FRMPD4: variants seen among roughly 807,000 people sequenced by gnomAD.
FRMPD4 encodes the protein FERM and PDZ domain-containing protein 4.
FRMPD4 carries 22 observed loss-of-function variants against 94.1 expected under a neutral mutation model. That is an observed-to-expected ratio of 0.23 (90% CI 0.17 to 0.33). The LOEUF is 0.33. Among genes scored for constraint, FRMPD4 ranks in the 10% least tolerant of loss-of-function variants. The pLI, the probability that FRMPD4 is intolerant of heterozygous loss-of-function variation, is 1.00. For missense variants in FRMPD4, 1,111 were observed against 1,339.9 expected (o/e 0.83, Z 2.67); for synonymous variants, 631 against 548.6 (o/e 1.15, Z -2.10).
chrX:12,147,476 C>T lies in FRMPD4; in HGVS notation c.41+8464C>T, dbSNP rs764508312. 7.1e-5 allele frequency among the ~76,000 whole-genome samples: 8 copies of T among 112,600 alleles called. No homozygotes were observed. The South Asian group carries it at 2.9e-3, about 41-fold the overall frequency. Reference sequence around the variant, plus strand: ...ATTCACATGGACCAGCACCATCAGGCAAACCTGTGAGCATGAAAACAGATG... The same window carrying T: ...ATTCACATGGACCAGCACCATCAGGTAAACCTGTGAGCATGAAAACAGATG... On this transcript the variant is annotated intron_variant, in intron 1 of 16. Transcript: ENST00000675598.
At chrX:12,115,956 A>G (rs1425785383) in intron 3 of FRMPD4, among the ~76,000 whole-genome samples, 1 of 112,111 alleles carries the variant, frequency 8.9e-6, no homozygotes, top group Admixed American at 9.5e-5. Context: ...CTCATGGATG[A>G]ATGGCCTGTT....
chrX:12,053,406 GA>G (rs1344728503), intron 3 of FRMPD4, among the ~76,000 whole-genome samples: 16 of 91,211 alleles, frequency 1.8e-4, no homozygotes, highest in Admixed American at 1.7e-3. Context: ...AAGAAAGAAA[GA>G]AAGAAAGAAA....
chrX:12,409,347 T>C (rs1249034240), intron 1 of FRMPD4, among the ~76,000 whole-genome samples: 3 of 111,556 alleles, frequency 2.7e-5, no homozygotes, highest in Non-Finnish European at 3.8e-5. Context: ...TTTGTTATGG[T>C]GCTGCAGTTT....
intron 2 of FRMPD4, among the ~76,000 whole-genome samples, chrX:12,528,477 C>T (rs1295324155): frequency 1.8e-5 from 2 of 109,358 alleles, no homozygotes; most frequent in East Asian, 5.7e-4. Flanking sequence ...CCCACCACCA[C>T]GCCCAGCTAA....
chrX:12,132,948 T>A (rs1234744367), intron 3 of FRMPD4, among the ~76,000 whole-genome samples: 1 of 109,500 alleles, frequency 9.1e-6, no homozygotes, highest in African/African-American at 3.3e-5. Context: ...GGAGATGTGG[T>A]GGGAATTAAG....
intron 3 of FRMPD4, among the ~76,000 whole-genome samples, chrX:11,927,868 C>A (rs991145575): frequency 2.1e-4 from 24 of 111,866 alleles, no homozygotes; most frequent in African/African-American, 7.8e-4. Flanking sequence ...ATGAAGACAC[C>A]AGAAACAATT....
At chrX:12,255,755 G>A (rs758661329) in intron 1 of FRMPD4, among the ~76,000 whole-genome samples, 5 of 112,009 alleles carry the variant, frequency 4.5e-5, no homozygotes, top group African/African-American at 1.6e-4. Context: ...CAAGGCAATA[G>A]GTTTGTAGAT....
intron 2 of FRMPD4, among the ~76,000 whole-genome samples, chrX:12,546,533 G>A (rs5935370): frequency 0.42 from 46,641 of 110,700 alleles, 7,861 homozygotes; most frequent in Non-Finnish European, 0.54. Flanking sequence ...CTATTGTAGT[G>A]TGTCCTTATG....
chrX:11,918,098 C>A (rs748363828), intron 3 of FRMPD4, among the ~76,000 whole-genome samples: 5 of 111,835 alleles, frequency 4.5e-5, no homozygotes, highest in African/African-American at 1.6e-4. Flanking sequence ...TCTTTATGTG[C>A]CCTTTAAATA....
chrX:12,292,227 A>G (rs188811558), intron 1 of FRMPD4, among the ~76,000 whole-genome samples: 21 of 112,111 alleles, frequency 1.9e-4, no homozygotes, highest in African/African-American at 6.5e-4. Flanking sequence ...ATACTTTAGG[A>G]AGTAGCAGCA....
Position 12,609,200 on chromosome X carries a change from A to G in FRMPD4, c.159-521A>G, listed in dbSNP as rs140348428. Among the ~76,000 whole-genome samples, 392 of 111,622 alleles carry G rather than the reference A, an allele frequency of 3.5e-3. 1 individual carries two copies. The highest frequency in any genetic ancestry group is 0.013 in the African/African-American group (384 of 30,702). On this transcript the variant is annotated intron_variant, in intron 2 of 16. Coordinates refer to ENST00000675598, the MANE Select transcript of FRMPD4 (RefSeq NM_001368397.1). ...CATTGTCTTTACATTGAGTAAGTTAAGAAGGGGAAGGAACAACAGGGGATG... is the reference window on the plus strand; with the variant it reads ...CATTGTCTTTACATTGAGTAAGTTAGGAAGGGGAAGGAACAACAGGGGATG...
chrX:12,392,045 AT>A (rs1287807080), intron 1 of FRMPD4, among the ~76,000 whole-genome samples: 1 of 109,740 alleles, frequency 9.1e-6, no homozygotes, highest in Non-Finnish European at 1.9e-5. Flanking sequence ...TTATTTATTT[AT>A]TTTTTGAGAA....
chrX:12,275,167 C>T (rs1483170596), intron 1 of FRMPD4, among the ~76,000 whole-genome samples: 1 of 111,437 alleles, frequency 9.0e-6, no homozygotes, highest in Non-Finnish European at 1.9e-5. Context: ...GTGAATCCCT[C>T]ATGGCTTGGT....
At chrX:12,008,041 TG>T (rs2147411785) in intron 3 of FRMPD4, among the ~76,000 whole-genome samples, 1 of 111,653 alleles carries the variant, frequency 9.0e-6, no homozygotes, top group South Asian at 3.8e-4. Flanking sequence ...TATACTTAGG[TG>T]GTTTATCACT....
intron 3 of FRMPD4, among the ~76,000 whole-genome samples, chrX:11,928,043 T>G (rs2054099268): frequency 8.9e-6 from 1 of 111,917 alleles, no homozygotes. Flanking sequence ...ATAAGTAACT[T>G]AAACAATCTT....
At chrX:12,649,369 A>T (rs1395006869) in intron 4 of FRMPD4, among the ~76,000 whole-genome samples, 1 of 111,779 alleles carries the variant, frequency 8.9e-6, no homozygotes, top group East Asian at 2.8e-4. Context: ...ATTACTAATA[A>T]TTTTTAATGA....
chrX:12,254,077 CA>C (rs1401255163), intron 1 of FRMPD4, among the ~76,000 whole-genome samples: 1 of 111,505 alleles, frequency 9.0e-6, no homozygotes, highest in Non-Finnish European at 1.9e-5. Flanking sequence ...ATAGATTGGA[CA>C]GGGGCAAAAG....
In FRMPD4 at chrX:12,718,601, A is replaced by T; in HGVS notation, c.3775A>T (p.Ile1259Phe). ...CGCTTCTGGGAAAGGCGTGAATTAC[A>T]TTCCTTCAGAGGAGAGAGCCCCTGG... ...PDASGKGVNY[I>F]PSEERAPGLP... The change falls in exon 16 of 17, where the codon ATT becomes TTT. Residue 1259 changes from isoleucine (I) to phenylalanine (F), a missense_variant. Transcript: ENST00000675598. 1 of 1,210,757 alleles carries T rather than the reference A, an allele frequency of 8.3e-7. No individual in the cohort carries two copies. Among genetic ancestry groups the T allele is most frequent in the South Asian group, 1.8e-5 (1 of 56,944 alleles).
intron 1 of FRMPD4, among the ~76,000 whole-genome samples, chrX:12,213,436 G>T (rs935037070): frequency 4.5e-5 from 5 of 111,980 alleles, no homozygotes; most frequent in African/African-American, 1.6e-4. Context: ...AGTTGGGTGG[G>T]TGGGTGGAAA....
Sources: allele counts gnomAD v4.1 joint callset (sites outside exome capture counted in the v4.1 genomes callset), GRCh38; gene constraint gnomAD v4.1.1; transcripts MANE v1.5; gene names NCBI Gene and HGNC (gene_info 2026-07-23, HGNC 2026-07-21).